GPC6: variants seen among roughly 807,000 people sequenced by gnomAD.
GPC6 encodes the protein glypican-6.
Under a neutral mutation model 55.2 loss-of-function variants are expected in GPC6, and 14 were observed. The ratio of observed to expected loss-of-function variants is 0.25; its 90% CI spans 0.17 to 0.40. The LOEUF is 0.40. Ranked by LOEUF, GPC6 falls within the 10% of genes least tolerant of loss-of-function variation. The probability of loss-of-function intolerance (pLI) is 1.00; values close to 1 mark genes in which losing one functional copy is unlikely to be tolerated. For missense variants in GPC6, 641 were observed against 708.5 expected, an observed-to-expected ratio of 0.90 and a Z score of 1.08; for synonymous variants, 278 against 259.6, an observed-to-expected ratio of 1.07 and a Z score of -0.68.
chr13:93,359,678 A>G (rs1165621328), intron 1 of GPC6, among the ~76,000 whole-genome samples: 1 of 152,200 alleles, frequency 6.6e-6, no homozygotes, highest in African/African-American at 2.4e-5. Context: ...TATGAATTCA[A>G]AATGGTACTG....
At chr13:93,793,017 G>A (rs1886094135) in intron 2 of GPC6, among the ~76,000 whole-genome samples, 1 of 152,152 alleles carries the variant, frequency 6.6e-6, no homozygotes, top group South Asian at 2.1e-4. Context: ...GATTTGGCAA[G>A]ACTGTTGCAA....
At chr13:93,677,504 ATTAT>A (rs1189649920) in intron 2 of GPC6, among the ~76,000 whole-genome samples, 1 of 152,048 alleles carries the variant, frequency 6.6e-6, no homozygotes, top group Non-Finnish European at 1.5e-5. Flanking sequence ...ATACATAATA[ATTAT>A]TCAAGGCTTC....
chr13:93,699,852 G>T (rs1882607028), intron 2 of GPC6, among the ~76,000 whole-genome samples: 1 of 151,884 alleles, frequency 6.6e-6, no homozygotes, highest in Admixed American at 6.6e-5. Flanking sequence ...TCTTCTTAGA[G>T]AAATCTTTCC....
At chr13:93,482,453 C>A (rs1454407283) in intron 1 of GPC6, among the ~76,000 whole-genome samples, 1 of 152,068 alleles carries the variant, frequency 6.6e-6, no homozygotes, top group South Asian at 2.1e-4. Flanking sequence ...GTTGTTTCTC[C>A]TATATTTTAC....
intron 3 of GPC6, among the ~76,000 whole-genome samples, chr13:93,864,216 G>C (rs573042282): frequency 1.3e-5 from 2 of 151,818 alleles, no homozygotes; most frequent in South Asian, 4.1e-4. Context: ...ATGTAGTCAT[G>C]TACTAGTTAA....
chr13:94,379,531 T>C (rs1215448446), intron 6 of GPC6, among the ~76,000 whole-genome samples: 1 of 152,132 alleles, frequency 6.6e-6, no homozygotes, highest in African/African-American at 2.4e-5. Context: ...CCCACAGTTT[T>C]CTCCCACCCC....
intron 3 of GPC6, among the ~76,000 whole-genome samples, chr13:93,921,917 C>G (rs181802770): frequency 2.6e-5 from 4 of 151,678 alleles, no homozygotes; most frequent in Non-Finnish European, 4.4e-5. Flanking sequence ...TTCCCTGTCT[C>G]CTGTCCGTAT....
chr13:93,405,166 G>C (rs574620781), intron 1 of GPC6, among the ~76,000 whole-genome samples: 4 of 152,248 alleles, frequency 2.6e-5, no homozygotes, highest in African/African-American at 9.6e-5. Flanking sequence ...ATGATGTCCT[G>C]TGCCACCCCC....
At chr13:94,232,342 G>A (rs189486264) in intron 4 of GPC6, among the ~76,000 whole-genome samples, 9 of 152,282 alleles carry the variant, frequency 5.9e-5, no homozygotes, top group East Asian at 1.9e-4. Flanking sequence ...GCCATGGCAC[G>A]TGCGCACACC....
intron 4 of GPC6, among the ~76,000 whole-genome samples, chr13:94,225,394 C>T (rs932234805): frequency 3.3e-5 from 5 of 152,076 alleles, no homozygotes; most frequent in African/African-American, 1.2e-4. Flanking sequence ...TTTGTTCTTT[C>T]TTCAATGTTG....
At chr13:93,680,437 A>G (rs902789551) in intron 2 of GPC6, among the ~76,000 whole-genome samples, 26 of 152,136 alleles carry the variant, frequency 1.7e-4, no homozygotes, top group Non-Finnish European at 3.4e-4. Context: ...AGTGTTAGTA[A>G]TCCAATACAG....
chr13:94,206,238 T>C (rs1889898255), intron 4 of GPC6, among the ~76,000 whole-genome samples: 1 of 152,120 alleles, frequency 6.6e-6, no homozygotes. Context: ...TGAGAAGAAA[T>C]AGATGAGAAG....
chr13:94,177,361 G>A (rs1197649101), intron 4 of GPC6, among the ~76,000 whole-genome samples: 2 of 151,058 alleles, frequency 1.3e-5, no homozygotes. Context: ...AAAGATACTG[G>A]GAAAATATTT....
At chr13:93,302,236 C>G (rs1878706141) in intron 1 of GPC6, among the ~76,000 whole-genome samples, 1 of 152,076 alleles carries the variant, frequency 6.6e-6, no homozygotes, top group African/African-American at 2.4e-5. Context: ...TGTTTCCTGC[C>G]TGAGACAATG....
intron 1 of GPC6, among the ~76,000 whole-genome samples, chr13:93,376,562 A>T (rs759164206): frequency 3.9e-5 from 6 of 152,140 alleles, no homozygotes; most frequent in Non-Finnish European, 5.9e-5. Context: ...CCATCTCTAC[A>T]CCATCAGAGC....
chr13:93,803,438 T>A (rs955113886), intron 2 of GPC6, among the ~76,000 whole-genome samples: 6 of 152,056 alleles, frequency 3.9e-5, no homozygotes, highest in Non-Finnish European at 8.8e-5. Flanking sequence ...TGACAACAAG[T>A]ATTGGTGGGA....
At chr13:93,267,418 C>A (rs1877361469) in intron 1 of GPC6, among the ~76,000 whole-genome samples, 6 of 151,490 alleles carry the variant, frequency 4.0e-5, no homozygotes. Context: ...TTACTATAGA[C>A]TTTAATTCTT....
At chr13:93,715,416 T>A (rs1271315687) in intron 2 of GPC6, among the ~76,000 whole-genome samples, 2 of 151,428 alleles carry the variant, frequency 1.3e-5, no homozygotes, top group African/African-American at 4.8e-5. Flanking sequence ...ATTGGGTACT[T>A]GAGGACATAA....
At chr13:94,233,535 C>G (rs1281019220) in intron 4 of GPC6, among the ~76,000 whole-genome samples, 3 of 152,128 alleles carry the variant, frequency 2.0e-5, no homozygotes, top group East Asian at 3.9e-4. Context: ...TCCCACTGTT[C>G]TGAATATTGC....
Sources: allele counts gnomAD v4.1 joint callset (sites outside exome capture counted in the v4.1 genomes callset), GRCh38; gene constraint gnomAD v4.1.1; transcripts MANE v1.5; gene names NCBI Gene and HGNC (gene_info 2026-07-23, HGNC 2026-07-21).